The following EPS8 variants were observed in gnomAD, a reference collection of about 807,000 sequenced individuals.
The protein encoded by EPS8 is EGFR pathway substrate 8, signaling adaptor.
EPS8 carries 42 observed loss-of-function variants against 103.8 expected under a neutral mutation model. The observed-to-expected ratio is 0.40, with a 90% CI of 0.32 to 0.52. The LOEUF is 0.52. Ranked by LOEUF, EPS8 falls within the 20% of genes least tolerant of loss-of-function variation. The pLI is 0.40. For missense variants in EPS8, 969 were observed against 1,005.1 expected, an observed-to-expected ratio of 0.96 and a Z score of 0.49; for synonymous variants, 344 against 344.6, an observed-to-expected ratio of 1.00 and a Z score of 0.02.
Position 15,771,291 on chromosome 12 carries a change from T to G in EPS8, c.-22+17870A>C, listed in dbSNP as rs1947151733. ...GTACCTCACTTTGGCTAATGAGTAA[T>G]TTATAGGAAAGCGGGTAGTGAGGCT... On this transcript the variant is annotated intron_variant, in intron 1 of 20. Transcript: ENST00000281172. This position sits in a 1 kb window ranked among gnomAD's most constrained non-coding sequence, Gnocchi z 4.6. 6.6e-6 allele frequency among the ~76,000 whole-genome samples: 1 copy of G among 152,126 alleles called. No individual in the cohort carries two copies. Among genetic ancestry groups the G allele is most frequent in the Non-Finnish European group, 1.5e-5 (1 of 68,020 alleles).
chr12:15,714,409 G>A lies in EPS8; in HGVS notation c.-21-31437C>T, dbSNP rs777722452. On this transcript the variant is annotated intron_variant, in intron 1 of 20. Transcript: ENST00000281172. The surrounding 1 kb of genome is among the most constrained non-coding windows in gnomAD (Gnocchi z 4.1). Reference sequence around the variant, plus strand: ...TAATCCCAGCTCTTTGATAGGCCACGGGTGGGAGGATCCCTTGAGTCCAGG... The same window carrying A: ...TAATCCCAGCTCTTTGATAGGCCACAGGTGGGAGGATCCCTTGAGTCCAGG... 6.6e-6 allele frequency among the ~76,000 whole-genome samples: 1 copy of A among 152,106 alleles called. No individual in the cohort carries two copies. Among genetic ancestry groups the A allele is most frequent in the African/African-American group, 2.4e-5 (1 of 41,412 alleles).
At chr12:15,673,424 C>A (rs1337387064) in intron 3 of EPS8, among the ~76,000 whole-genome samples, 1 of 152,084 alleles carries the variant, frequency 6.6e-6, no homozygotes, top group East Asian at 1.9e-4. Flanking sequence ...AATTATAATA[C>A]ATTTCTTTTT....
rs1947335350 is a variant in EPS8, at chr12:15,788,698, G to T, written c.-22+463C>A. Among the ~76,000 whole-genome samples the T allele has an allele frequency of 1.3e-5, 2 of 152,152 alleles. 1 individual carries two copies. Among genetic ancestry groups the T allele is most frequent in the South Asian group, 4.1e-4 (2 of 4,834 alleles). On this transcript the variant is annotated intron_variant, in intron 1 of 20. Transcript: ENST00000281172. ...TTAATTCGAGGGGGTAAACGGGGGTGGGACCCTGCCCTAAAGGGTCATTTT... is the reference window on the plus strand; with the variant it reads ...TTAATTCGAGGGGGTAAACGGGGGTTGGACCCTGCCCTAAAGGGTCATTTT...
rs886067121 is a variant in EPS8, at chr12:15,762,675, C to T, written c.-22+26486G>A. Among the ~76,000 whole-genome samples the T allele has an allele frequency of 6.6e-6, 1 of 152,108 alleles. No homozygotes were observed. Among genetic ancestry groups the T allele is most frequent in the African/African-American group, 2.4e-5 (1 of 41,488 alleles). The stretch of plus-strand genomic sequence containing the variant: ...TACGTTAAGTGAAATAAGCCAGGCA[C>T]AGAAAAACATCATATGTTCTCATTT... On this transcript the variant is annotated intron_variant, in intron 1 of 20. Transcript: ENST00000281172. This position sits in a 1 kb window ranked among gnomAD's most constrained non-coding sequence, Gnocchi z 4.8.
chr12:15,637,992 A>G (rs1307215842), intron 17 of EPS8, among the ~76,000 whole-genome samples: 1 of 152,218 alleles, frequency 6.6e-6, no homozygotes, highest in African/African-American at 2.4e-5. Flanking sequence ...TAAGACATAA[A>G]ATTGTAATCC....
At chr12:15,659,125 C>T (rs1017389569) in intron 10 of EPS8, among the ~76,000 whole-genome samples, 3 of 151,802 alleles carry the variant, frequency 2.0e-5, no homozygotes, top group African/African-American at 4.8e-5. Flanking sequence ...TGCATGTATA[C>T]GAAACAACAA....
rs1056167416 is a variant in EPS8, at chr12:15,741,725, C to CT, written c.-22+47435dup. Among the ~76,000 whole-genome samples, 362 of 149,592 alleles carry CT rather than the reference C, an allele frequency of 2.4e-3. 2 individuals carry two copies. The highest frequency in any genetic ancestry group is 8.4e-3 in the African/African-American group (345 of 40,876). ...CACATCCAGATCAGTAACATTAAGTCTTTTTTTTTTAAGTTCTAGGGTACA... is the reference window on the plus strand; with the variant it reads ...CACATCCAGATCAGTAACATTAAGTCTTTTTTTTTTTAAGTTCTAGGGTACA... On this transcript the variant is annotated intron_variant, in intron 1 of 20. Transcript: ENST00000281172.
intron 3 of EPS8, among the ~76,000 whole-genome samples, chr12:15,675,532 G>A (rs1270614716): frequency 1.3e-5 from 2 of 152,294 alleles, no homozygotes; most frequent in Middle Eastern, 3.4e-3. Flanking sequence ...CTAGGATGTG[G>A]AGATTGCAGT....
chr12:15,739,094 C>T (rs1216990288), intron 1 of EPS8, among the ~76,000 whole-genome samples: 1 of 152,168 alleles, frequency 6.6e-6, no homozygotes. Context: ...GTACCAGGTA[C>T]AACACAAAAC....
chr12:15,718,222 T>C (rs1565516106), intron 1 of EPS8, among the ~76,000 whole-genome samples: 1 of 152,166 alleles, frequency 6.6e-6, no homozygotes, highest in African/African-American at 2.4e-5. Flanking sequence ...TCAGATCCAA[T>C]ACCCCAGAAC....
intron 1 of EPS8, among the ~76,000 whole-genome samples, chr12:15,712,447 T>C (rs1946477793): frequency 6.6e-6 from 1 of 152,252 alleles, no homozygotes; most frequent in South Asian, 2.1e-4. Flanking sequence ...AGATAATCAA[T>C]GTTTTGCATA....
At chr12:15,708,087 C>T (rs1197336236) in intron 1 of EPS8, among the ~76,000 whole-genome samples, 12 of 152,098 alleles carry the variant, frequency 7.9e-5, no homozygotes, top group Admixed American at 7.9e-4. Flanking sequence ...TGATGCCAAT[C>T]AGAGACAGTT....
rs894745923 is a variant in EPS8, at chr12:15,735,697, G to T, written c.-21-52725C>A. 3.9e-5 allele frequency among the ~76,000 whole-genome samples: 6 copies of T among 152,032 alleles called. No individual in the cohort carries two copies. Among genetic ancestry groups the T allele is most frequent in the African/African-American group, 1.4e-4 (6 of 41,380 alleles). ...GCCTACAAATAAACATAGTAATCAG[G>T]TTATTTAAATTGTAGACCTTTTAAA... On this transcript the variant is annotated intron_variant, in intron 1 of 20. Coordinates refer to ENST00000281172, the MANE Select transcript of EPS8 (RefSeq NM_004447.6). This position sits in a 1 kb window ranked among gnomAD's most constrained non-coding sequence, Gnocchi z 4.4.
At chr12:15,753,772 G>A (rs559155116) in intron 1 of EPS8, among the ~76,000 whole-genome samples, 1 of 152,178 alleles carries the variant, frequency 6.6e-6, no homozygotes, top group South Asian at 2.1e-4. Context: ...GTTTAAACTC[G>A]AATATGGTGT....
intron 18 of EPS8, among the ~76,000 whole-genome samples, chr12:15,626,164 G>T (rs905593986): frequency 1.3e-5 from 2 of 152,112 alleles, no homozygotes; most frequent in Admixed American, 1.3e-4. Context: ...TCCATCAGCA[G>T]ATCCTGTTAG....
At position 15,776,550 on chromosome 12, in the gene EPS8, C is replaced by T. The variant is rs1947208508; in HGVS notation, c.-22+12611G>A. On this transcript the variant is annotated intron_variant, in intron 1 of 20. Coordinates refer to ENST00000281172, the MANE Select transcript of EPS8 (RefSeq NM_004447.6). The surrounding 1 kb of genome is among the most constrained non-coding windows in gnomAD (Gnocchi z 4.2). ...AATGATGCCCACGTTAGCCCAATAA[C>T]GTCAATGTTAGCTAGAAATGTCTGG... Among the ~76,000 whole-genome samples the T allele has an allele frequency of 6.6e-6, 1 of 152,160 alleles. No individual in the cohort carries two copies. Among genetic ancestry groups the T allele is most frequent in the Non-Finnish European group, 1.5e-5 (1 of 68,030 alleles).
chr12:15,774,303 A>C (rs1339196367), intron 1 of EPS8, among the ~76,000 whole-genome samples: 2 of 151,564 alleles, frequency 1.3e-5, no homozygotes, highest in African/African-American at 4.8e-5. Flanking sequence ...AGATGAATTT[A>C]TATATCTACC....
chr12:15,632,235 G>C (rs1256353747), intron 17 of EPS8, among the ~76,000 whole-genome samples: 1 of 152,098 alleles, frequency 6.6e-6, no homozygotes, highest in Non-Finnish European at 1.5e-5. Context: ...GTCACGGGGT[G>C]GATGGTTGTG....
chr12:15,782,940 A>T (rs1279779373), intron 1 of EPS8, among the ~76,000 whole-genome samples: 1 of 152,228 alleles, frequency 6.6e-6, no homozygotes, highest in African/African-American at 2.4e-5. Context: ...TCACAGTAAA[A>T]AATGATTTCT....
Sources: allele counts gnomAD v4.1 joint callset (sites outside exome capture counted in the v4.1 genomes callset), GRCh38; gene constraint gnomAD v4.1.1; non-coding constraint Gnocchi (gnomAD v3.1); transcripts MANE v1.5; gene names NCBI Gene and HGNC (gene_info 2026-07-23, HGNC 2026-07-21).